Variants in BBS9 observed in about 807,000 individuals in gnomAD.
The protein encoded by BBS9 is Bardet-Biedl syndrome 9.
BBS9 carries 89 observed loss-of-function variants against 117.7 expected under a neutral mutation model. That is an observed-to-expected ratio of 0.76 (90% CI 0.64 to 0.90). The LOEUF (loss-of-function observed/expected upper bound fraction) is 0.90, where lower values mean the gene tolerates loss of function less well. Ranked by LOEUF, BBS9 falls within the 40% of genes least tolerant of loss-of-function variation. BBS9 has a pLI of 0.00. For synonymous variants in BBS9, 379 were observed against 370.9 expected (o/e 1.02, Z -0.25); for missense variants, 982 against 1,042.2 (o/e 0.94, Z 0.80).
At chr7:33,476,785 A>T (rs1208350554) in intron 19 of BBS9, among the ~76,000 whole-genome samples, 1 of 152,252 alleles carries the variant, frequency 6.6e-6, no homozygotes, top group East Asian at 1.9e-4. Context: ...GTCTTGTCAT[A>T]TAAACCTAAA....
intron 19 of BBS9, among the ~76,000 whole-genome samples, chr7:33,398,444 ACT>A (rs2128782783): frequency 6.6e-6 from 1 of 152,280 alleles, no homozygotes; most frequent in Non-Finnish European, 1.5e-5. Flanking sequence ...ATGTTCTCTT[ACT>A]CTGTCTGACC....
chr7:33,376,187 C>T (rs895766324), intron 17 of BBS9, among the ~76,000 whole-genome samples: 4 of 152,068 alleles, frequency 2.6e-5, no homozygotes, highest in African/African-American at 7.2e-5. Context: ...TCCTCCCACC[C>T]TCCACTCTGA....
At chr7:33,492,801 T>C (rs1000647058) in intron 19 of BBS9, among the ~76,000 whole-genome samples, 3 of 140,370 alleles carry the variant, frequency 2.1e-5, no homozygotes, top group Admixed American at 7.8e-5. Context: ...TATCATCTAG[T>C]ATAGGAGTGA....
At chr7:33,335,552 C>CAGT (rs1280953000) in intron 9 of BBS9, among the ~76,000 whole-genome samples, 1 of 152,076 alleles carries the variant, frequency 6.6e-6, no homozygotes, top group Non-Finnish European at 1.5e-5. Flanking sequence ...GAAGCAAATA[C>CAGT]AGTATTCATC....
At chr7:33,171,159 C>T (rs1796505897) in intron 4 of BBS9, among the ~76,000 whole-genome samples, 1 of 152,106 alleles carries the variant, frequency 6.6e-6, no homozygotes, top group African/African-American at 2.4e-5. Flanking sequence ...AATCCCAAGC[C>T]AGAAGAACAA....
intron 19 of BBS9, among the ~76,000 whole-genome samples, chr7:33,460,237 T>C (rs1431337924): frequency 6.6e-6 from 1 of 152,104 alleles, no homozygotes; most frequent in Non-Finnish European, 1.5e-5. Context: ...TGATAGTCCT[T>C]CATTTGGGTA....
chr7:33,349,098 A>G lies in BBS9; in HGVS notation c.1360A>G (p.Lys454Glu). Residue 454 changes from lysine (K) to glutamate (E), a missense_variant, in exon 13 of 23, where the codon AAA (lysine) becomes GAA (glutamate). Lys to Glu is a moderately conservative substitution (Grantham distance 56). Coordinates refer to ENST00000242067, the MANE Select transcript of BBS9 (RefSeq NM_198428.3). ...VTLQNRVILQ[K>E]AKLSVYVQPP... ...ACTGCAGAACAGAGTGATATTGCAAAAAGCCAAATTATCAGTCTACGTGCA... is the reference window on the plus strand; with the variant it reads ...ACTGCAGAACAGAGTGATATTGCAAGAAGCCAAATTATCAGTCTACGTGCA... 1 of 1,613,068 alleles carries G rather than the reference A, an allele frequency of 6.2e-7. No individual in the cohort carries two copies. The highest frequency in any genetic ancestry group is 8.5e-7 in the Non-Finnish European group (1 of 1,179,194).
chr7:33,339,831 GA>G (rs1816142433), intron 10 of BBS9, among the ~76,000 whole-genome samples: 3 of 152,096 alleles, frequency 2.0e-5, no homozygotes, highest in Admixed American at 1.3e-4. Flanking sequence ...AGGAAATCAT[GA>G]TGATTGGATT....
chr7:33,427,779 T>C (rs968368366), intron 19 of BBS9, among the ~76,000 whole-genome samples: 2 of 152,224 alleles, frequency 1.3e-5, no homozygotes, highest in South Asian at 2.1e-4. Context: ...GTGGTTCTTA[T>C]AATATTCATT....
chr7:33,246,198 A>G (rs1278225392), intron 5 of BBS9, among the ~76,000 whole-genome samples: 1 of 152,178 alleles, frequency 6.6e-6, no homozygotes, highest in Non-Finnish European at 1.5e-5. Flanking sequence ...CAGGAAATTT[A>G]GTGTTGTAAC....
At chr7:33,396,426 A>G (rs562155335) in intron 19 of BBS9, among the ~76,000 whole-genome samples, 14 of 152,330 alleles carry the variant, frequency 9.2e-5, no homozygotes, top group African/African-American at 3.1e-4. Context: ...AAATAATGAA[A>G]TAGATGTGTC....
intron 20 of BBS9, among the ~76,000 whole-genome samples, chr7:33,526,437 T>C (rs1051863256): frequency 2.0e-5 from 3 of 152,060 alleles, no homozygotes; most frequent in African/African-American, 7.2e-5. Flanking sequence ...TCTTGGAGGC[T>C]TTGCTCATTT....
At chr7:33,458,306 C>T (rs1838948797) in intron 19 of BBS9, among the ~76,000 whole-genome samples, 1 of 152,168 alleles carries the variant, frequency 6.6e-6, no homozygotes, top group South Asian at 2.1e-4. Context: ...AAACAGGCTT[C>T]TTTTAGTATT....
intron 5 of BBS9, among the ~76,000 whole-genome samples, chr7:33,188,545 G>A (rs79788619): frequency 0.013 from 2,048 of 152,222 alleles, 50 homozygotes; most frequent in African/African-American, 0.047. Context: ...TTAAGGGTAG[G>A]GATAAGAAGA....
intron 19 of BBS9, among the ~76,000 whole-genome samples, chr7:33,421,939 A>G (rs1184001495): frequency 6.6e-6 from 1 of 152,214 alleles, no homozygotes; most frequent in Non-Finnish European, 1.5e-5. Context: ...CAGAAAATAC[A>G]GAAAAGGGAA....
Position 33,139,957 on chromosome 7 carries a change from G to A in BBS9, c.-11-6285G>A, listed in dbSNP as rs1791178326. On this transcript the variant is annotated intron_variant, in intron 1 of 22. Coordinates refer to ENST00000242067, the MANE Select transcript of BBS9 (RefSeq NM_198428.3). The stretch of plus-strand genomic sequence containing the variant: ...TACATTTTTTTTTTCCACTTCCTTC[G>A]AGATAACTCACTTCTGGCTTTGTTT... Among the ~76,000 whole-genome samples the A allele has an allele frequency of 2.0e-5, 3 of 151,474 alleles. No homozygotes were observed. In the South Asian group the frequency reaches 6.2e-4, roughly 32 times the overall value.
chr7:33,635,409 G>T (rs776424394), exon 22 of BBS9, among the ~76,000 whole-genome samples: 1 of 152,194 alleles, frequency 6.6e-6, no homozygotes, highest in East Asian at 1.9e-4. Flanking sequence ...GCCCAGAGCC[G>T]TACTGAGCCA....
At chr7:33,161,492 G>A (rs901502932) in intron 4 of BBS9, among the ~76,000 whole-genome samples, 1 of 151,996 alleles carries the variant, frequency 6.6e-6, no homozygotes, top group Non-Finnish European at 1.5e-5. Flanking sequence ...GGTGTATATG[G>A]GCTACATTTT....
chr7:33,512,131 C>A (rs1442256520), intron 20 of BBS9, among the ~76,000 whole-genome samples: 1 of 152,022 alleles, frequency 6.6e-6, no homozygotes, highest in Non-Finnish European at 1.5e-5. Flanking sequence ...GACCACATAC[C>A]CTGTGTTGCT....
Sources: allele counts gnomAD v4.1 joint callset (sites outside exome capture counted in the v4.1 genomes callset), GRCh38; gene constraint gnomAD v4.1.1; transcripts MANE v1.5; gene names NCBI Gene and HGNC (gene_info 2026-07-23, HGNC 2026-07-21).